Variants in CTNNA2 observed in about 807,000 individuals in gnomAD.
The protein encoded by CTNNA2 is catenin alpha-2.
CTNNA2 carries 42 observed loss-of-function variants against 101.0 expected under a neutral mutation model. That is an observed-to-expected ratio of 0.42 (90% CI 0.32 to 0.54). The LOEUF is 0.54. Ranked by LOEUF, CTNNA2 falls within the 20% of genes least tolerant of loss-of-function variation. CTNNA2 has a pLI of 0.14. For missense variants in CTNNA2, 871 were observed against 1,223.1 expected, an observed-to-expected ratio of 0.71 and a Z score of 4.29; for synonymous variants, 450 against 456.4, an observed-to-expected ratio of 0.99 and a Z score of 0.18.
intron 4 of CTNNA2, among the ~76,000 whole-genome samples, chr2:79,438,301 C>T (rs1678739123): frequency 6.6e-6 from 1 of 152,114 alleles, no homozygotes; most frequent in Non-Finnish European, 1.5e-5. Context: ...CTGTCTCTGT[C>T]TTTCAACCGT....
At chr2:80,449,852 G>A (rs1683357996) in intron 9 of CTNNA2, among the ~76,000 whole-genome samples, 1 of 152,174 alleles carries the variant, frequency 6.6e-6, no homozygotes, top group South Asian at 2.1e-4. Flanking sequence ...ATCTGGGTCT[G>A]CAAGTGGTAA....
chr2:80,344,306 C>T lies in CTNNA2; in HGVS notation c.1057-48905C>T, dbSNP rs369880360. On this transcript the variant is annotated intron_variant, in intron 7 of 18. Transcript: ENST00000402739. ...TCCTACCTCAGTCTTTGGACATTTT[C>T]GTAGATGCACACCCACACCCTTAGT... Among the ~76,000 whole-genome samples the T allele has an allele frequency of 6.4e-4, 97 of 152,190 alleles. 1 individual carries two copies. Among genetic ancestry groups the T allele is most frequent in the African/African-American group, 2.2e-3 (93 of 41,518 alleles).
chr2:80,026,755 G>C (rs1408908534), intron 7 of CTNNA2, among the ~76,000 whole-genome samples: 1 of 152,146 alleles, frequency 6.6e-6, no homozygotes, highest in African/African-American at 2.4e-5. Context: ...AAGGTATGAA[G>C]TGTAGCTGAA....
At chr2:79,832,579 T>C (rs1419507595) in intron 3 of CTNNA2, among the ~76,000 whole-genome samples, 3 of 152,204 alleles carry the variant, frequency 2.0e-5, no homozygotes, top group Admixed American at 6.5e-5. Flanking sequence ...TATCTTTATA[T>C]GGATAGTTCA....
intron 2 of CTNNA2, among the ~76,000 whole-genome samples, chr2:79,212,216 C>T (rs368000364): frequency 4.6e-5 from 7 of 152,050 alleles, no homozygotes; most frequent in African/African-American, 1.2e-4. Context: ...CAGTGTAAAC[C>T]GGCAGTGTAA....
At chr2:80,568,108 G>T (rs1172233235) in intron 12 of CTNNA2, among the ~76,000 whole-genome samples, 2 of 152,228 alleles carry the variant, frequency 1.3e-5, no homozygotes, top group African/African-American at 2.4e-5. Context: ...CTTGCTCAAT[G>T]GTGATGCTCC....
chr2:79,935,613 A>G (rs4852544), intron 7 of CTNNA2, among the ~76,000 whole-genome samples: 13,474 of 152,222 alleles, frequency 0.089, 686 homozygotes, highest in East Asian at 0.21. Context: ...TACATTTCAA[A>G]TATCTTTGAA....
chr2:79,958,143 C>T (rs1689370951), intron 7 of CTNNA2, among the ~76,000 whole-genome samples: 1 of 152,218 alleles, frequency 6.6e-6, no homozygotes, highest in Admixed American at 6.5e-5. Context: ...GATATCATCT[C>T]ACCAGACAGG....
chr2:80,307,332 TA>T (rs1677123979), intron 7 of CTNNA2, among the ~76,000 whole-genome samples: 1 of 152,114 alleles, frequency 6.6e-6, no homozygotes, highest in Non-Finnish European at 1.5e-5. Flanking sequence ...CAAATTAGGT[TA>T]AATAAGAACA....
chr2:79,291,318 G>T (rs565119968), intron 2 of CTNNA2, among the ~76,000 whole-genome samples: 3 of 152,296 alleles, frequency 2.0e-5, no homozygotes, highest in African/African-American at 7.2e-5. Flanking sequence ...CCAGGAGACT[G>T]TCAGGTGTAT....
chr2:79,810,344 T>C (rs4852529), intron 3 of CTNNA2, among the ~76,000 whole-genome samples: 1,579 of 152,064 alleles, frequency 0.01, 49 homozygotes, highest in East Asian at 0.099. Flanking sequence ...ATAAAACCAT[T>C]AGATCTCGTG....
At chr2:79,394,158 A>ACT (rs1678205080) in intron 4 of CTNNA2, among the ~76,000 whole-genome samples, 1 of 151,958 alleles carries the variant, frequency 6.6e-6, no homozygotes, top group Admixed American at 6.6e-5. Flanking sequence ...TCAAGGCCAG[A>ACT]CTCTGGACAC....
intron 1 of CTNNA2, among the ~76,000 whole-genome samples, chr2:79,635,564 T>G (rs1679974742): frequency 6.6e-6 from 1 of 151,624 alleles, no homozygotes. Flanking sequence ...AGTGTAGTGG[T>G]GTGATCTCGG....
intron 7 of CTNNA2, among the ~76,000 whole-genome samples, chr2:80,252,879 G>A (rs1374543886): frequency 6.6e-6 from 1 of 152,112 alleles, no homozygotes; most frequent in African/African-American, 2.4e-5. Context: ...AAGTTGGTGA[G>A]TTTTGCAAAG....
intron 2 of CTNNA2, among the ~76,000 whole-genome samples, chr2:79,251,590 TCCTCACTCTCGGGG>T (rs1345612887): frequency 6.6e-6 from 1 of 151,888 alleles, no homozygotes; most frequent in Non-Finnish European, 1.5e-5. Context: ...TCATTTGGAG[TCCTCACTCTCGGGG>T]AAGCCAGCCG....
intron 3 of CTNNA2, among the ~76,000 whole-genome samples, chr2:79,370,274 A>G (rs189942140): frequency 1.2e-4 from 18 of 152,348 alleles, no homozygotes; most frequent in African/African-American, 4.3e-4. Context: ...GATCACTCAG[A>G]AATTATGTAA....
At chr2:80,394,704 G>T (rs1420246522) in intron 8 of CTNNA2, among the ~76,000 whole-genome samples, 1 of 152,108 alleles carries the variant, frequency 6.6e-6, no homozygotes, top group East Asian at 1.9e-4. Context: ...CTGGCAGTGT[G>T]ATTGTGGATC....
At chr2:80,170,209 A>ATCTC (rs1157144222) in intron 7 of CTNNA2, among the ~76,000 whole-genome samples, 75 of 144,412 alleles carry the variant, frequency 5.2e-4, no homozygotes, top group African/African-American at 1.7e-3. Flanking sequence ...CTCTCTCTCT[A>ATCTC]TCTCTCTCTC....
At chr2:79,837,819 A>T (rs185941693) in intron 3 of CTNNA2, among the ~76,000 whole-genome samples, 1 of 152,164 alleles carries the variant, frequency 6.6e-6, no homozygotes, top group African/African-American at 2.4e-5. Context: ...TAATACTTTT[A>T]GCCTATGGGA....
Sources: gnomAD v4.1 joint callset for allele counts (sites outside exome capture counted in the v4.1 genomes callset) on GRCh38, gnomAD v4.1.1 for gene constraint, MANE v1.5 for transcripts, NCBI Gene and HGNC (gene_info 2026-07-23, HGNC 2026-07-21) for gene names.